The following WDR7 variants were observed in gnomAD, a reference collection of about 807,000 sequenced individuals.
WDR7 encodes the protein WD repeat domain 7, also known as WD repeat-containing protein 7.
In WDR7, 46 loss-of-function variants were observed where a neutral mutation model predicts 169.4. That is an observed-to-expected ratio of 0.27 (90% CI 0.21 to 0.35). The LOEUF (loss-of-function observed/expected upper bound fraction) is 0.35. Ranked by LOEUF, WDR7 falls within the 10% of genes least tolerant of loss-of-function variation. The pLI, the probability that WDR7 is intolerant of heterozygous loss-of-function variation, is 1.00. For synonymous variants in WDR7, 612 were observed against 666.8 expected (o/e 0.92, Z 1.27); for missense variants, 1,534 against 1,859.3 (o/e 0.83, Z 3.22).
intron 16 of WDR7, among the ~76,000 whole-genome samples, chr18:56,774,121 G>C (rs1004881935): frequency 2.0e-5 from 3 of 151,984 alleles, no homozygotes; most frequent in African/African-American, 7.2e-5. Context: ...AAGATAATGA[G>C]ATTTAGACCA....
chr18:56,853,132 T>C (rs115912520), intron 20 of WDR7, among the ~76,000 whole-genome samples: 235 of 152,278 alleles, frequency 1.5e-3, no homozygotes, highest in African/African-American at 5.4e-3. Context: ...GTAATATGAA[T>C]TACTTTGCAG....
At chr18:56,804,167 A>G (rs1378460016) in intron 19 of WDR7, among the ~76,000 whole-genome samples, 3 of 152,210 alleles carry the variant, frequency 2.0e-5, no homozygotes, top group African/African-American at 7.2e-5. Context: ...ACAATGACAC[A>G]AAGGCAGCCT....
At chr18:56,718,263 A>G (rs965003262) in intron 13 of WDR7, 104 bp downstream of exon 13, 3 of 1,190,218 alleles carry the variant, frequency 2.5e-6, no homozygotes, top group Non-Finnish European at 3.5e-6. Context: ...TTGAAATGTA[A>G]AATAGTTGCT....
intron 12 of WDR7, among the ~76,000 whole-genome samples, chr18:56,713,660 T>C (rs1270796755): frequency 6.6e-6 from 1 of 152,184 alleles, no homozygotes; most frequent in African/African-American, 2.4e-5. Context: ...TAGGTGACTT[T>C]TCGAGGTTGA....
At chr18:56,683,440 A>G (rs1045161219) in intron 5 of WDR7, among the ~76,000 whole-genome samples, 13 of 152,178 alleles carry the variant, frequency 8.5e-5, no homozygotes, top group South Asian at 2.1e-4. Context: ...TTGAATGTCT[A>G]CTTTTATAAG....
chr18:56,800,204 C>G (rs2044649380), intron 19 of WDR7, among the ~76,000 whole-genome samples: 1 of 152,158 alleles, frequency 6.6e-6, no homozygotes, highest in Non-Finnish European at 1.5e-5. Context: ...TGCTCCCTTA[C>G]TTAATTCAAC....
At chr18:56,885,990 T>G (rs935890849) in intron 21 of WDR7, among the ~76,000 whole-genome samples, 3 of 152,242 alleles carry the variant, frequency 2.0e-5, no homozygotes, top group East Asian at 3.8e-4. Context: ...TGACCTCTCC[T>G]GTTTAAACCT....
chr18:56,726,514 C>T (rs1314223867), intron 13 of WDR7, among the ~76,000 whole-genome samples: 3 of 152,172 alleles, frequency 2.0e-5, no homozygotes, highest in Non-Finnish European at 4.4e-5. Context: ...TATCCTGAGA[C>T]TTTGCTGAAG....
At chr18:56,761,396 T>C (rs923883372) in intron 16 of WDR7, among the ~76,000 whole-genome samples, 3 of 152,202 alleles carry the variant, frequency 2.0e-5, no homozygotes, top group African/African-American at 7.2e-5. Flanking sequence ...TTAATTACTG[T>C]TGCTCTGTAA....
chr18:56,812,861 C>T lies in WDR7; in HGVS notation c.3191-3170C>T, dbSNP rs561223508. 4.6e-5 allele frequency among the ~76,000 whole-genome samples: 7 copies of T among 152,180 alleles called. No homozygotes were observed. In the South Asian group the frequency reaches 1.5e-3, roughly 32 times the overall value. On this transcript the variant is annotated intron_variant, in intron 19 of 27. Transcript: ENST00000254442. ...TTTTCCCACTCAGTACACTGACTCACACACCAGTCTCCCAGGAAACACCGT... is the reference window on the plus strand; with the variant it reads ...TTTTCCCACTCAGTACACTGACTCATACACCAGTCTCCCAGGAAACACCGT...
chr18:56,822,924 T>TA (rs139894268), intron 20 of WDR7, among the ~76,000 whole-genome samples: 1 of 152,050 alleles, frequency 6.6e-6, no homozygotes, highest in East Asian at 1.9e-4. Flanking sequence ...TGTCCTTTTT[T>TA]AAAAAAAATC....
intron 13 of WDR7, among the ~76,000 whole-genome samples, chr18:56,726,675 A>T (rs1480576170): frequency 1.3e-5 from 2 of 152,058 alleles, no homozygotes; most frequent in African/African-American, 2.4e-5. Flanking sequence ...ACACAGTTAA[A>T]TTACTGAGAA....
chr18:56,784,395 C>T (rs368036708), intron 19 of WDR7, among the ~76,000 whole-genome samples: 4 of 152,244 alleles, frequency 2.6e-5, no homozygotes, highest in Admixed American at 1.3e-4. Context: ...GTACATTATA[C>T]CCAATACGTA....
chr18:56,852,722 A>G (rs1000262985), intron 20 of WDR7, among the ~76,000 whole-genome samples: 4 of 152,200 alleles, frequency 2.6e-5, no homozygotes, highest in Admixed American at 1.3e-4. Context: ...AAACAAGCAC[A>G]TACATATATA....
chr18:56,752,862 T>A (rs2043818665), intron 14 of WDR7, among the ~76,000 whole-genome samples: 1 of 152,098 alleles, frequency 6.6e-6, no homozygotes. Context: ...ATGACTTGAG[T>A]GGCAGAAGAG....
chr18:56,667,675 T>G (rs1183324421), intron 1 of WDR7, among the ~76,000 whole-genome samples: 1 of 152,214 alleles, frequency 6.6e-6, no homozygotes, highest in African/African-American at 2.4e-5. Flanking sequence ...TATTTAAAAC[T>G]GCTTTTTCTT....
intron 1 of WDR7, among the ~76,000 whole-genome samples, chr18:56,669,101 A>G (rs894051664): frequency 6.6e-6 from 1 of 152,134 alleles, no homozygotes; most frequent in Non-Finnish European, 1.5e-5. Context: ...GGATTTGAAT[A>G]TAGGTCATCT....
At chr18:56,932,207 A>G (rs972316825) in intron 22 of WDR7, among the ~76,000 whole-genome samples, 2 of 152,102 alleles carry the variant, frequency 1.3e-5, no homozygotes, top group African/African-American at 4.8e-5. Flanking sequence ...GAGCTGTAGA[A>G]TTATCCACAT....
chr18:56,952,771 T>C (rs1157149261), intron 25 of WDR7, among the ~76,000 whole-genome samples: 2 of 152,214 alleles, frequency 1.3e-5, no homozygotes, highest in African/African-American at 4.8e-5. Flanking sequence ...AAAAATTAGC[T>C]GTCAAGCCAT....
Sources: allele counts gnomAD v4.1 joint callset (sites outside exome capture counted in the v4.1 genomes callset), GRCh38; gene constraint gnomAD v4.1.1; transcripts MANE v1.5; gene names NCBI Gene and HGNC (gene_info 2026-07-23, HGNC 2026-07-21).